CSMD1: variants seen among roughly 807,000 people sequenced by gnomAD.
CSMD1 encodes the protein CUB and sushi domain-containing protein 1.
A neutral mutation model predicts 417.5 loss-of-function variants in CSMD1; 213 were observed. That is an observed-to-expected ratio of 0.51 (90% CI 0.46 to 0.57). The LOEUF (loss-of-function observed/expected upper bound fraction) is 0.57. CSMD1 is among the 20% of genes least tolerant of loss of function. CSMD1 has a pLI of 0.00. For missense variants in CSMD1, 6,923 were observed against 4,529.7 expected (o/e 1.53, Z -15.17); for synonymous variants, 2,862 against 1,736.8 (o/e 1.65, Z -16.11).
At chr8:4,887,190 C>T (rs1022634133) in intron 1 of CSMD1, among the ~76,000 whole-genome samples, 13 of 151,914 alleles carry the variant, frequency 8.6e-5, no homozygotes, top group South Asian at 6.2e-4. Flanking sequence ...ATGCCTTTAC[C>T]GCAAAGTATT....
chr8:4,123,360 T>C (rs1411832664), intron 3 of CSMD1, among the ~76,000 whole-genome samples: 3 of 152,226 alleles, frequency 2.0e-5, no homozygotes, highest in East Asian at 3.9e-4. Flanking sequence ...GCCTCACCCA[T>C]CCCATAACGT....
At chr8:3,317,139 G>C (rs189110967) in intron 23 of CSMD1, among the ~76,000 whole-genome samples, 1 of 152,172 alleles carries the variant, frequency 6.6e-6, no homozygotes, top group Non-Finnish European at 1.5e-5. Context: ...GAGAGGTGAG[G>C]GAGGAAGAGG....
At chr8:3,825,426 G>C (rs112025302) in intron 5 of CSMD1, among the ~76,000 whole-genome samples, 1 of 152,134 alleles carries the variant, frequency 6.6e-6, no homozygotes, top group Non-Finnish European at 1.5e-5. Context: ...GTACTTGGGA[G>C]GCTGAGGCAG....
intron 10 of CSMD1, among the ~76,000 whole-genome samples, chr8:3,503,047 C>T (rs1344877454): frequency 6.6e-6 from 1 of 152,108 alleles, no homozygotes; most frequent in Non-Finnish European, 1.5e-5. Context: ...GCAAACTGCT[C>T]TAAAAATAAA....
intron 7 of CSMD1, among the ~76,000 whole-genome samples, chr8:3,695,609 C>T (rs1036072713): frequency 2.0e-5 from 3 of 152,072 alleles, no homozygotes; most frequent in Non-Finnish European, 4.4e-5. Context: ...GGAAAATGTT[C>T]ACGTGTTTCA....
At chr8:4,164,164 A>C (rs754841142) in intron 3 of CSMD1, among the ~76,000 whole-genome samples, 2 of 151,484 alleles carry the variant, frequency 1.3e-5, no homozygotes, top group Non-Finnish European at 2.9e-5. Context: ...TCATTAGATT[A>C]TATGAGTTTA....
At chr8:3,860,152 C>A (rs187572004) in intron 5 of CSMD1, among the ~76,000 whole-genome samples, 9 of 152,052 alleles carry the variant, frequency 5.9e-5, no homozygotes, top group African/African-American at 1.9e-4. Flanking sequence ...ACATATTAAC[C>A]CCTCATTTGA....
In CSMD1 at chr8:4,036,824, G is replaced by C. The variant is rs542129790; in HGVS notation, c.416-4725C>G. ...GGATGAGAAAAATAAATAGATTCCT[G>C]ACCAGGGCCACCACCTGTTCTTACC... On this transcript the variant is annotated intron_variant, in intron 3 of 69. Transcript: ENST00000635120. Among the ~76,000 whole-genome samples, 9 of 152,308 alleles carry C rather than the reference G, an allele frequency of 5.9e-5. No homozygotes were observed. In the South Asian group the frequency reaches 1.5e-3, roughly 25 times the overall value.
rs773726467 is a variant in CSMD1, at chr8:2,954,213, G to C, written c.10039+11C>G. 1 of 1,463,726 alleles carries C rather than the reference G, an allele frequency of 6.8e-7. No individual in the cohort carries two copies. Among genetic ancestry groups the C allele is most frequent in the Non-Finnish European group, 9.3e-7 (1 of 1,074,372 alleles). The allele number at this position is 1,463,726 out of a possible 1,614,324, so 90.7% of individuals were successfully genotyped here. On this transcript the variant is annotated intron_variant, in intron 65 of 69. Transcript: ENST00000635120. ...TTGGATTGAAATCTAGAACTGTTCT[G>C]GTATACAAACCTGGAGTTTTAGTAA...
At chr8:3,643,700 C>CCAAAAAAAAA (rs1491210210) in intron 7 of CSMD1, among the ~76,000 whole-genome samples, 1 of 85,354 alleles carries the variant, frequency 1.2e-5, no homozygotes. Flanking sequence ...GACTCCGTCT[C>CCAAAAAAAAA]AAAAAAAAAA....
At chr8:3,682,737 G>A (rs575719849) in intron 7 of CSMD1, among the ~76,000 whole-genome samples, 3 of 152,296 alleles carry the variant, frequency 2.0e-5, no homozygotes, top group East Asian at 3.9e-4. Context: ...AAAGACACAT[G>A]CACACGTATG....
intron 49 of CSMD1, among the ~76,000 whole-genome samples, chr8:3,060,360 G>A (rs1812512948): frequency 1.3e-5 from 2 of 151,962 alleles, no homozygotes; most frequent in Non-Finnish European, 2.9e-5. Context: ...TGGCCAGACT[G>A]ATCTTGAACT....
At chr8:3,807,081 C>A (rs1800782754) in intron 5 of CSMD1, among the ~76,000 whole-genome samples, 1 of 152,068 alleles carries the variant, frequency 6.6e-6, no homozygotes, top group East Asian at 1.9e-4. Flanking sequence ...TCCATGGCTT[C>A]CCCCACGCAC....
intron 1 of CSMD1, among the ~76,000 whole-genome samples, chr8:4,923,423 G>T (rs183270185): frequency 2.7e-3 from 410 of 152,198 alleles, no homozygotes; most frequent in African/African-American, 9.0e-3. Flanking sequence ...TGTTGGAGGG[G>T]ATGGATATAC....
At chr8:3,161,608 G>A (rs1242457045) in intron 38 of CSMD1, among the ~76,000 whole-genome samples, 2 of 142,028 alleles carry the variant, frequency 1.4e-5, no homozygotes, top group Non-Finnish European at 3.0e-5. Context: ...GGGTGACAGA[G>A]CGAGACTCCC....
intron 3 of CSMD1, among the ~76,000 whole-genome samples, chr8:4,228,710 G>A (rs1333719341): frequency 6.6e-6 from 1 of 151,104 alleles, no homozygotes; most frequent in Non-Finnish European, 1.5e-5. Context: ...TTGAGATGGA[G>A]TCTACCTCTG....
intron 10 of CSMD1, among the ~76,000 whole-genome samples, chr8:3,536,611 G>C (rs17066348): frequency 6.6e-6 from 1 of 152,188 alleles, no homozygotes; most frequent in Admixed American, 6.5e-5. Context: ...AGTGTGAACA[G>C]AAACGGTAAT....
intron 1 of CSMD1, among the ~76,000 whole-genome samples, chr8:4,761,808 GTAAA>G (rs1812087733): frequency 6.6e-6 from 1 of 151,754 alleles, no homozygotes; most frequent in Non-Finnish European, 1.5e-5. Flanking sequence ...AAACCTGGTA[GTAAA>G]TAAAATAGCA....
intron 1 of CSMD1, among the ~76,000 whole-genome samples, chr8:4,742,732 G>A (rs1215613441): frequency 7.2e-5 from 11 of 152,186 alleles, no homozygotes; most frequent in African/African-American, 2.2e-4. Flanking sequence ...ATGGCAAGTG[G>A]CAGAAAGAAA....
Sources: gnomAD v4.1 joint callset for allele counts (sites outside exome capture counted in the v4.1 genomes callset) on GRCh38, gnomAD v4.1.1 for gene constraint, MANE v1.5 for transcripts, NCBI Gene and HGNC (gene_info 2026-07-23, HGNC 2026-07-21) for gene names.